Variants in RAPGEF5 observed in about 807,000 individuals in gnomAD.
RAPGEF5 encodes the protein M-Ras-regulated GEF.
RAPGEF5 carries 65 observed loss-of-function variants against 125.2 expected under a neutral mutation model. That is an observed-to-expected ratio of 0.52 (90% CI 0.43 to 0.64). The LOEUF (loss-of-function observed/expected upper bound fraction) is 0.64, where lower values mean the gene tolerates loss of function less well. Ranked by LOEUF, RAPGEF5 falls within the 30% of genes least tolerant of loss-of-function variation. The pLI, the probability that RAPGEF5 is intolerant of heterozygous loss-of-function variation, is 0.00. For synonymous variants in RAPGEF5, 391 were observed against 385.9 expected (o/e 1.01, Z -0.16); for missense variants, 958 against 1,048.1 (o/e 0.91, Z 1.19).
intron 23 of RAPGEF5, among the ~76,000 whole-genome samples, chr7:22,135,341 T>C (rs1437280217): frequency 6.6e-6 from 1 of 152,204 alleles, no homozygotes; most frequent in Non-Finnish European, 1.5e-5. Flanking sequence ...CAGGTAAAGA[T>C]TTACACTGAA....
intron 11 of RAPGEF5, among the ~76,000 whole-genome samples, chr7:22,176,213 C>A (rs1784503692): frequency 6.6e-6 from 1 of 152,174 alleles, no homozygotes; most frequent in African/African-American, 2.4e-5. Context: ...ATCATGAGAA[C>A]TGCAGGGGAA....
Position 22,263,872 on chromosome 7 carries a change from T to C in RAPGEF5, c.796+3092A>G, listed in dbSNP as rs183684312. Among the ~76,000 whole-genome samples, 11 of 152,280 alleles carry C rather than the reference T, an allele frequency of 7.2e-5. No individual in the cohort carries two copies. In the East Asian group the frequency reaches 2.1e-3, roughly 29 times the overall value. Reference sequence around the variant, plus strand: ...AGTATTAGTGGTTAGATTGGTGAGATGATATATAACTTTCAAATTTCTTCT... The same window carrying C: ...AGTATTAGTGGTTAGATTGGTGAGACGATATATAACTTTCAAATTTCTTCT... On this transcript the variant is annotated intron_variant, in intron 7 of 25. Coordinates refer to ENST00000665637, the MANE Select transcript of RAPGEF5 (RefSeq NM_012294.5).
rs1782986834 is a variant in RAPGEF5 at position 22,133,551 on chromosome 7, C to T, written c.2417-2450G>A. On this transcript the variant is annotated intron_variant, in intron 23 of 25. Transcript: ENST00000665637. ...CAATGAAATGACTTTGAAGAGATGG[C>T]AAGTGGAAGAGGAGGAAGAAACATC... Among the ~76,000 whole-genome samples the T allele has an allele frequency of 3.9e-5, 6 of 152,262 alleles. No individual in the cohort carries two copies. In the South Asian group the frequency reaches 1.2e-3, roughly 32 times the overall value.
intron 7 of RAPGEF5, among the ~76,000 whole-genome samples, chr7:22,259,534 T>C: frequency 6.6e-6 from 1 of 152,218 alleles, no homozygotes. Context: ...AAAATTTACA[T>C]TCACACAAAA....
intron 5 of RAPGEF5, among the ~76,000 whole-genome samples, chr7:22,297,217 A>G (rs571490124): frequency 6.6e-6 from 1 of 152,362 alleles, no homozygotes; most frequent in African/African-American, 2.4e-5. Context: ...ATGAGATTTC[A>G]GAAATGAGAT....
chr7:22,133,454 G>T (rs1385141006), intron 23 of RAPGEF5, among the ~76,000 whole-genome samples: 2 of 152,142 alleles, frequency 1.3e-5, no homozygotes, highest in African/African-American at 4.8e-5. Flanking sequence ...TATGAGAAAT[G>T]AGCAACTGCC....
At chr7:22,127,471 AT>A (rs1386572747) in intron 24 of RAPGEF5, among the ~76,000 whole-genome samples, 1 of 152,194 alleles carries the variant, frequency 6.6e-6, no homozygotes, top group Non-Finnish European at 1.5e-5. Flanking sequence ...TTGGAAGCAT[AT>A]ACGTATATGC....
chr7:22,272,361 AAAG>A (rs1782452956), intron 6 of RAPGEF5, among the ~76,000 whole-genome samples: 8 of 108,924 alleles, frequency 7.3e-5, no homozygotes, highest in Non-Finnish European at 1.7e-4. Context: ...AAAAAAAAAA[AAAG>A]AAGGAAAAAA....
rs923334448 is a variant in RAPGEF5 at position 22,120,692 on chromosome 7, A to G, written c.*1714T>C. 2 of 152,540 alleles carry G rather than the reference A, an allele frequency of 1.3e-5. No individual in the cohort carries two copies. Among genetic ancestry groups the G allele is most frequent in the African/African-American group, 4.8e-5 (2 of 41,456 alleles). The allele number at this position is 152,540 out of a possible 1,614,324, so 9.4% of individuals were successfully genotyped here. ...CATGCAGCATTTCTCTGAATGGACC[A>G]GCCCTGGAGGATGCCCTTCTATAAA... is the stretch of plus-strand genomic sequence containing the variant. On this transcript the variant is annotated 3_prime_UTR_variant, in exon 26 of 26. Transcript: ENST00000665637. The surrounding 1 kb of genome is among the most constrained non-coding windows in gnomAD (Gnocchi z 4.0).
At chr7:22,222,283 T>C (rs6954963) in intron 8 of RAPGEF5, among the ~76,000 whole-genome samples, 80,405 of 151,890 alleles carry the variant, frequency 0.53, 21,455 homozygotes, top group East Asian at 0.69. Context: ...GGAGCATACA[T>C]TCATGATGTA....
rs138525325 is a variant in RAPGEF5 at position 22,213,070 on chromosome 7, T to C, written c.996+6796A>G. On this transcript the variant is annotated intron_variant, in intron 9 of 25. Coordinates refer to ENST00000665637, the MANE Select transcript of RAPGEF5 (RefSeq NM_012294.5). ...ACTGAGCCAGTATCAATGTTCTTGA[T>C]TGAGCCTTTTAAAATAAACTTGAGC... 1.4e-4 allele frequency among the ~76,000 whole-genome samples: 22 copies of C among 152,348 alleles called. No homozygotes were observed. In the East Asian group the frequency reaches 2.7e-3, roughly 19 times the overall value.
At chr7:22,186,339 T>A (rs992615227) in intron 11 of RAPGEF5, among the ~76,000 whole-genome samples, 1 of 152,234 alleles carries the variant, frequency 6.6e-6, no homozygotes. Context: ...TTAAGTGTAT[T>A]TCTTTTGATT....
intron 1 of RAPGEF5, among the ~76,000 whole-genome samples, chr7:22,326,680 G>A (rs962845175): frequency 1.3e-5 from 2 of 152,120 alleles, no homozygotes; most frequent in African/African-American, 2.4e-5. Flanking sequence ...TCTCTACTTA[G>A]GTTACATAAA....
chr7:22,291,205 A>G lies in RAPGEF5; in HGVS notation c.717T>C (p.Ser239=). ...ATGTTAGACGCACAAGAATTTCATC[A>G]CTGCTTTCTTCGGAGTCTTCAATTT... The part of the protein sequence containing the change: ...HQKIEDSEES[S]DEILVRLTSA... Residue 239 remains serine, a synonymous_variant, in exon 6 of 26, where the codon AGT becomes AGC. Coordinates refer to ENST00000665637, the MANE Select transcript of RAPGEF5 (RefSeq NM_012294.5). 1 of 1,584,730 alleles carries G rather than the reference A, an allele frequency of 6.3e-7. No homozygotes were observed. Among genetic ancestry groups the G allele is most frequent in the African/African-American group, 1.3e-5 (1 of 74,172 alleles).
chr7:22,219,960 T>C lies in RAPGEF5; in HGVS notation c.902A>G (p.Asp301Gly). The C allele has an allele frequency of 1.2e-6, 2 of 1,613,642 alleles. No individual in the cohort carries two copies. Among genetic ancestry groups the C allele is most frequent in the Non-Finnish European group, 8.5e-7 (1 of 1,179,688 alleles). The change falls in exon 9 of 26, where the codon GAT (aspartate) becomes GGT (glycine). Residue 301 changes from aspartate (D) to glycine (G), a missense_variant. Asp to Gly is a moderately conservative substitution (Grantham distance 94, BLOSUM62 -1). Coordinates refer to ENST00000665637, the MANE Select transcript of RAPGEF5 (RefSeq NM_012294.5). ...GACTAGTTCAATTCGTCCGATTTCA[T>C]CTCTTTCCTGGAGCTTGCACATCAC... is the stretch of plus-strand genomic sequence containing the variant. ...AGVMCKLQER[D>G]EIGRIELVQK...
chr7:22,150,365 G>A (rs777083040), intron 18 of RAPGEF5, 42 bp downstream of exon 18: 48 of 1,582,054 alleles, frequency 3.0e-5, no homozygotes, highest in Middle Eastern at 1.7e-4. Context: ...GAGCCACCTC[G>A]CCTGGCCTGT....
rs566874267 is a variant in RAPGEF5 at position 22,329,974 on chromosome 7, C to G, written c.232-11937G>C. 3.3e-5 allele frequency among the ~76,000 whole-genome samples: 5 copies of G among 152,338 alleles called. No homozygotes were observed. In the South Asian group the frequency reaches 1.0e-3, roughly 32 times the overall value. On this transcript the variant is annotated intron_variant, in intron 1 of 25. Coordinates refer to ENST00000665637, the MANE Select transcript of RAPGEF5 (RefSeq NM_012294.5). ...CTCCTTCCCTCTGGGCACAAGCAAA[C>G]AGAGCTGTGTCCTGGCTCCCCACAG...
intron 7 of RAPGEF5, among the ~76,000 whole-genome samples, chr7:22,246,560 C>T (rs552397131): frequency 1.3e-5 from 2 of 152,052 alleles, no homozygotes; most frequent in African/African-American, 4.8e-5. Flanking sequence ...TACCTTTTAC[C>T]ATTTATAAAA....
intron 6 of RAPGEF5, among the ~76,000 whole-genome samples, chr7:22,271,533 T>C (rs569685156): frequency 1.8e-4 from 27 of 152,270 alleles, no homozygotes; most frequent in African/African-American, 6.0e-4. Flanking sequence ...ACAAAGAAAA[T>C]TGCAAGGAGG....
Sources: allele counts gnomAD v4.1 joint callset (sites outside exome capture counted in the v4.1 genomes callset), GRCh38; gene constraint gnomAD v4.1.1; non-coding constraint Gnocchi (gnomAD v3.1); transcripts MANE v1.5; gene names NCBI Gene and HGNC (gene_info 2026-07-23, HGNC 2026-07-21).